DYNC2I2: variants seen among roughly 807,000 people sequenced by gnomAD.
DYNC2I2 encodes dynein 2 intermediate chain 2, also known as cytoplasmic dynein 2 intermediate chain 2.
A neutral mutation model predicts 52.0 loss-of-function variants in DYNC2I2; 39 were observed. The observed-to-expected ratio is 0.75, with a 90% CI of 0.58 to 0.98. The LOEUF is 0.98. Among genes scored for constraint, DYNC2I2 ranks in the 50% least tolerant of loss-of-function variants. DYNC2I2 has a pLI of 0.00. For missense variants in DYNC2I2, 743 were observed against 728.4 expected (o/e 1.02, Z -0.23); for synonymous variants, 359 against 321.1 (o/e 1.12, Z -1.26).
chr9:128,659,584 A>G (rs1463043255), upstream of DYNC2I2, among the ~76,000 whole-genome samples: 4 of 151,488 alleles, frequency 2.6e-5, no homozygotes, highest in Non-Finnish European at 5.9e-5. Flanking sequence ...TGGGAAACAT[A>G]GGGACACCTC....
chr9:128,638,900 CTAT>C (rs1690349680), intron 2 of DYNC2I2, among the ~76,000 whole-genome samples: 1 of 152,184 alleles, frequency 6.6e-6, no homozygotes, highest in Admixed American at 6.5e-5. Flanking sequence ...ACGCATGAAC[CTAT>C]TATTTTCAAA....
chr9:128,663,931 G>A, the DYNC2I2 span, among the ~76,000 whole-genome samples: 7,592 of 147,126 alleles, frequency 0.052, 250 homozygotes, highest in East Asian at 0.13. Context: ...GGAATTACAA[G>A]TGTGAGCTAC....
chr9:128,633,715 G>T lies in DYNC2I2; in HGVS notation c.*29C>A, dbSNP rs375003647. 6.3e-7 allele frequency: 1 copy of T among 1,598,788 alleles called. No homozygotes were observed. On this transcript the variant is annotated 3_prime_UTR_variant, in exon 9 of 9. Transcript: ENST00000372715. ...TCAGAAACACAAGGCTCGGCACAGC[G>T]AAGGCTTGCACCCGCCTCCCGGGAC...
At position 128,633,662 on chromosome 9, in the gene DYNC2I2, A is replaced by G. The variant is rs540797387; in HGVS notation, c.*82T>C. On this transcript the variant is annotated 3_prime_UTR_variant, in exon 9 of 9. Coordinates refer to ENST00000372715, the MANE Select transcript of DYNC2I2 (RefSeq NM_052844.4). ...ACAAATAAATGATGACTTCCCCCAA[A>G]GCTTTGCTTTTCTTCATTTGGCTTG... 2.7e-6 allele frequency: 4 copies of G among 1,474,440 alleles called. No individual in the cohort carries two copies. The highest frequency in any genetic ancestry group is 3.7e-6 in the Non-Finnish European group (4 of 1,084,288). The allele number at this position is 1,474,440 out of a possible 1,614,324, so 91.3% of individuals were successfully genotyped here.
chr9:128,637,093 A>G, intron 2 of DYNC2I2, 66 bp from the exon 3 acceptor site: 1 of 1,203,578 alleles, frequency 8.3e-7, no homozygotes, highest in Non-Finnish European at 1.2e-6. Flanking sequence ...GCCTAACCAA[A>G]CCCCACCTAG....
At chr9:128,674,540 G>A in the DYNC2I2 span, among the ~76,000 whole-genome samples, 17 of 152,052 alleles carry the variant, frequency 1.1e-4, no homozygotes, top group African/African-American at 2.2e-4. Flanking sequence ...TAAGGAGTTC[G>A]AGACCAGCCT....
chr9:128,655,131 T>A (rs960334458), intron 1 of DYNC2I2, among the ~76,000 whole-genome samples: 1 of 151,758 alleles, frequency 6.6e-6, no homozygotes, highest in African/African-American at 2.4e-5. Flanking sequence ...CATCAGAGCA[T>A]CTCCTTTCGT....
the DYNC2I2 span, among the ~76,000 whole-genome samples, chr9:128,683,064 G>A: frequency 9.7e-5 from 14 of 145,058 alleles, no homozygotes; most frequent in South Asian, 6.6e-4. Flanking sequence ...GCACGATCTC[G>A]GCTCACTGCA....
the DYNC2I2 span, among the ~76,000 whole-genome samples, chr9:128,670,871 C>A: frequency 6.6e-6 from 1 of 151,774 alleles, no homozygotes; most frequent in Non-Finnish European, 1.5e-5. Context: ...GGAGACCAGC[C>A]AGCCTGACCA....
chr9:128,684,334 C>A, the DYNC2I2 span, among the ~76,000 whole-genome samples: 9 of 152,148 alleles, frequency 5.9e-5, no homozygotes, highest in Non-Finnish European at 7.3e-5. Context: ...CCCTCCACAT[C>A]CAGCCAAATC....
At chr9:128,666,326 GA>G in the DYNC2I2 span, among the ~76,000 whole-genome samples, 1 of 144,146 alleles carries the variant, frequency 6.9e-6, no homozygotes, top group Non-Finnish European at 1.5e-5. Context: ...AGGTTGCAGT[GA>G]ACCAAGATCG....
rs774717403 is a variant in DYNC2I2 at position 128,634,211 on chromosome 9, GCGGCC to G, written c.1372+10_1372+14del. ...CACCCCTTAAACAGATCCAGGCCTAGCGGCCCCTTCCTACCTTTCCCAGAGGCAGC... is the reference window on the plus strand; with the variant it reads ...CACCCCTTAAACAGATCCAGGCCTAGCCTTCCTACCTTTCCCAGAGGCAGC... On this transcript the variant is annotated intron_variant, in intron 8 of 8. Transcript: ENST00000372715. 1,513 of 1,613,266 alleles carry G rather than the reference GCGGCC, an allele frequency of 9.4e-4. 5 individuals are homozygous for G. Among genetic ancestry groups the G allele is most frequent in the South Asian group, 5.3e-3 (479 of 91,072 alleles).
intron 2 of DYNC2I2, 136 bp downstream of exon 2, chr9:128,640,555 C>T: frequency 7.2e-7 from 1 of 1,389,192 alleles, no homozygotes; most frequent in Non-Finnish European, 9.7e-7. Context: ...TAGCGCAGTA[C>T]CAGGCAGGAC....
chr9:128,668,024 A>G, the DYNC2I2 span, among the ~76,000 whole-genome samples: 5 of 127,986 alleles, frequency 3.9e-5, no homozygotes, highest in Non-Finnish European at 4.8e-5. Flanking sequence ...GCAGTGGCAC[A>G]ATCCCAGCTC....
chr9:128,634,185 C>T (rs1224841555), intron 8 of DYNC2I2, 41 bp downstream of exon 8: 1 of 1,610,336 alleles, frequency 6.2e-7, no homozygotes, highest in Admixed American at 1.7e-5. Context: ...CCCAGACCAC[C>T]CACCCCTTAA....
chr9:128,636,476 G>C (rs1435880999), intron 3 of DYNC2I2, 38 bp from the exon 4 acceptor site: 18 of 1,565,954 alleles, frequency 1.1e-5, no homozygotes, highest in Non-Finnish European at 1.5e-5. Context: ...GTGCCCCTGG[G>C]TGGGGCTCCT....
chr9:128,648,911 G>C (rs543925025), intron 1 of DYNC2I2, among the ~76,000 whole-genome samples: 44 of 152,232 alleles, frequency 2.9e-4, no homozygotes, highest in African/African-American at 1.0e-3. Flanking sequence ...TCTGAGGAGG[G>C]ATGCAGCAGA....
chr9:128,681,566 A>G, the DYNC2I2 span, among the ~76,000 whole-genome samples: 1 of 152,212 alleles, frequency 6.6e-6, no homozygotes, highest in South Asian at 2.1e-4. Context: ...CGTTATGCAT[A>G]TCTGTTGGAG....
Position 128,633,788 on chromosome 9 carries a change from C to G in DYNC2I2, c.1567G>C (p.Glu523Gln), listed in dbSNP as rs1860236299. 1 of 1,613,618 alleles carries G rather than the reference C, an allele frequency of 6.2e-7. No homozygotes were observed. Among genetic ancestry groups the G allele is most frequent in the Non-Finnish European group, 8.5e-7 (1 of 1,180,042 alleles). The change falls in exon 9 of 9, where the codon GAA (glutamate) becomes CAA (glutamine). Residue 523 changes from glutamate (E) to glutamine (Q), a missense_variant. By Grantham distance (29) the Glu-to-Gln change is conservative (BLOSUM62 2). Transcript: ENST00000372715. The part of the protein sequence containing the change: ...STEFTEQGPR[E>Q]AEDLDCLAAE... ...GCCAGGCAGTCCAGGTCCTCAGCTT[C>G]CCGGGGCCCTTGTTCCGTGAACTCT...
Sources: gnomAD v4.1 joint callset for allele counts (sites outside exome capture counted in the v4.1 genomes callset) on GRCh38, gnomAD v4.1.1 for gene constraint, MANE v1.5 for transcripts, NCBI Gene and HGNC (gene_info 2026-07-23, HGNC 2026-07-21) for gene names.